HMCN1: variants seen among roughly 807,000 people sequenced by gnomAD.
HMCN1 encodes hemicentin-1.
HMCN1 carries 321 observed loss-of-function variants against 625.9 expected under a neutral mutation model. The ratio of observed to expected loss-of-function variants is 0.51; its 90% CI spans 0.47 to 0.56. The LOEUF (loss-of-function observed/expected upper bound fraction) is 0.56, where lower values mean the gene tolerates loss of function less well. HMCN1 is among the 20% of genes least tolerant of loss of function. HMCN1 has a pLI of 0.00. For missense variants in HMCN1, 6,588 were observed against 6,887.3 expected (o/e 0.96, Z 1.54); for synonymous variants, 2,425 against 2,417.6 (o/e 1.00, Z -0.09).
At chr1:186,030,116 C>T (rs2102193512) in intron 36 of HMCN1, among the ~76,000 whole-genome samples, 1 of 152,146 alleles carries the variant, frequency 6.6e-6, no homozygotes, top group African/African-American at 2.4e-5. Context: ...CAAGAGTTGT[C>T]TTATAGTCTT....
chr1:186,024,895 G>A (rs150461218), intron 36 of HMCN1, among the ~76,000 whole-genome samples: 1 of 152,228 alleles, frequency 6.6e-6, no homozygotes, highest in Non-Finnish European at 1.5e-5. Flanking sequence ...CACAGACTAG[G>A]GAGAGGGATG....
intron 20 of HMCN1, 78 bp from the exon 21 acceptor site, chr1:185,989,410 C>A: frequency 6.5e-7 from 1 of 1,527,742 alleles, no homozygotes; most frequent in Admixed American, 1.7e-5. Context: ...TATTCCTCTT[C>A]CAGACATTGT....
chr1:185,921,353 CCTT>C lies in HMCN1; in HGVS notation c.901-1020_901-1018del, dbSNP rs758066214. Among the ~76,000 whole-genome samples the C allele has an allele frequency of 3.9e-5, 6 of 152,124 alleles. No individual in the cohort carries two copies. The East Asian group carries it at 5.8e-4, about 15-fold the overall frequency. On this transcript the variant is annotated intron_variant, in intron 6 of 106. Transcript: ENST00000271588. ...TAGCAACAGGGACAGATCTTCTCTT[CCTT>C]CTTCTCCACATTGCTAAATAACAAG...
chr1:185,842,630 C>T (rs556642241), intron 1 of HMCN1, among the ~76,000 whole-genome samples: 12 of 149,996 alleles, frequency 8.0e-5, no homozygotes, highest in East Asian at 3.9e-4. Flanking sequence ...CTTGGGAGGC[C>T]GAGGCAGGAG....
At chr1:185,938,846 C>T (rs1199161120) in intron 11 of HMCN1, among the ~76,000 whole-genome samples, 4 of 152,036 alleles carry the variant, frequency 2.6e-5, no homozygotes, top group African/African-American at 9.7e-5. Context: ...CTTAAGTCAG[C>T]CAGCCTGGTT....
chr1:186,075,322 C>G (rs1404869019), intron 53 of HMCN1, among the ~76,000 whole-genome samples: 1 of 151,962 alleles, frequency 6.6e-6, no homozygotes, highest in Non-Finnish European at 1.5e-5. Flanking sequence ...CCAAAACATG[C>G]AATTTACTCA....
intron 4 of HMCN1, 90 bp from the exon 5 acceptor site, chr1:185,909,247 C>A: frequency 1.0e-6 from 1 of 963,860 alleles, no homozygotes; most frequent in Non-Finnish European, 1.7e-6. Flanking sequence ...GTGCCGGAGT[C>A]ATTTGATCAC....
Position 186,145,893 on chromosome 1 carries a change from G to A in HMCN1, c.14578G>A (p.Val4860Met), listed in dbSNP as rs181736492. ...TCCCTGTCCCGGAGACACTACTCAG[G>A]TGACCAGGTGCAATGTACAAGCATG... ...GRPCPGDTTQ[V>M]TRCNVQACPG... Residue 4860 changes from valine (V) to methionine (M), a missense_variant, in exon 93 of 107, where the codon GTG (valine) becomes ATG (methionine). By Grantham distance (21) the Val-to-Met change is conservative. Transcript: ENST00000271588. 7 of 1,614,036 alleles carry A rather than the reference G, an allele frequency of 4.3e-6. No homozygotes were observed. The highest frequency in any genetic ancestry group is 1.3e-5 in the African/African-American group (1 of 74,984).
At chr1:186,044,712 G>T (rs1656448109) in intron 40 of HMCN1, among the ~76,000 whole-genome samples, 2 of 152,052 alleles carry the variant, frequency 1.3e-5, no homozygotes, top group African/African-American at 4.8e-5. Context: ...GGGGTTTCAT[G>T]AAAAATGGCC....
In HMCN1 at chr1:186,156,957, C is replaced by T. The variant is rs115352339; in HGVS notation, c.15256+2970C>T. Among the ~76,000 whole-genome samples, 315 of 152,216 alleles carry T rather than the reference C, an allele frequency of 2.1e-3. 1 individual carries two copies. The highest frequency in any genetic ancestry group is 6.8e-3 in the Middle Eastern group (2 of 294). On this transcript the variant is annotated intron_variant, in intron 97 of 106. Coordinates refer to ENST00000271588, the MANE Select transcript of HMCN1 (RefSeq NM_031935.3). The stretch of plus-strand genomic sequence containing the variant: ...ACTGAAAAGTACTGTATGAGCCAAA[C>T]CTGGGTTGCACACCCGTGGGTGATT...
chr1:186,152,324 T>G (rs1238629980), intron 95 of HMCN1, among the ~76,000 whole-genome samples: 2 of 152,186 alleles, frequency 1.3e-5, no homozygotes, highest in African/African-American at 2.4e-5. Context: ...TTATCTTTAA[T>G]CAACATTTAA....
intron 8 of HMCN1, among the ~76,000 whole-genome samples, chr1:185,924,259 C>G (rs1183681875): frequency 2.0e-5 from 2 of 101,072 alleles, no homozygotes; most frequent in Non-Finnish European, 3.5e-5. Flanking sequence ...GAGACGGAGT[C>G]TCGCTCTGTT....
At chr1:185,951,512 G>A (rs1296114234) in intron 11 of HMCN1, among the ~76,000 whole-genome samples, 26 of 149,094 alleles carry the variant, frequency 1.7e-4, no homozygotes, top group East Asian at 5.8e-4. Flanking sequence ...GAAGCTCAGT[G>A]TCCATGATGG....
Position 186,054,041 on chromosome 1 carries a change from C to T in HMCN1, c.6862+55C>T. The T allele has an allele frequency of 5.3e-6, 8 of 1,522,044 alleles. No homozygotes were observed. The South Asian group carries it at 9.0e-5, about 17-fold the overall frequency. The allele number at this position is 1,522,044 out of a possible 1,614,324, so 94.3% of individuals were successfully genotyped here. A position where few individuals can be genotyped will look rare whatever the true frequency, so the allele number is the denominator to read the frequency against. On this transcript the variant is annotated intron_variant, in intron 44 of 106. Transcript: ENST00000271588. ...AAATGTTCTCTTAAATCTTTTCATCCTTCTCATTTACTTTTAAAAATATCT... is the reference window on the plus strand; with the variant it reads ...AAATGTTCTCTTAAATCTTTTCATCTTTCTCATTTACTTTTAAAAATATCT...
Position 186,037,931 on chromosome 1 carries a change from T to C in HMCN1, c.5750-3T>C, listed in dbSNP as rs2102224245. ...AATAATTATCTGTTTGGGCCTCTTG[T>C]AGAACCACCTAGTCTGGAAGATGCT... is the stretch of plus-strand genomic sequence containing the variant. On this transcript the variant is annotated splice_region_variant and splice_polypyrimidine_tract_variant and intron_variant, in intron 36 of 106. Transcript: ENST00000271588. The C allele has an allele frequency of 6.3e-7, 1 of 1,580,472 alleles. No individual in the cohort carries two copies. The highest frequency in any genetic ancestry group is 8.7e-7 in the Non-Finnish European group (1 of 1,149,430).
At position 186,062,502 on chromosome 1, in the gene HMCN1, G is replaced by A. The variant is rs1230270797; in HGVS notation, c.7427-12G>A. 6.5e-7 allele frequency: 1 copy of A among 1,540,494 alleles called. No homozygotes were observed. The highest frequency in any genetic ancestry group is 1.1e-5 in the South Asian group (1 of 89,622). On this transcript the variant is annotated splice_polypyrimidine_tract_variant and intron_variant, in intron 47 of 106. Coordinates refer to ENST00000271588, the MANE Select transcript of HMCN1 (RefSeq NM_031935.3). ...TAAGAGCTGTTATTTTGTTGTTGTT[G>A]TTGTTTTTTAGTACCACCTCATATT...
At chr1:186,073,810 A>G (rs1658620648) in intron 52 of HMCN1, among the ~76,000 whole-genome samples, 1 of 152,008 alleles carries the variant, frequency 6.6e-6, no homozygotes, top group African/African-American at 2.4e-5. Flanking sequence ...AAACTTAAAG[A>G]AAATTAGTAA....
chr1:186,120,073 G>C lies in HMCN1; in HGVS notation c.12157G>C (p.Ala4053Pro). The C allele has an allele frequency of 6.2e-7, 1 of 1,614,044 alleles. No individual in the cohort carries two copies. Among genetic ancestry groups the C allele is most frequent in the South Asian group, 1.1e-5 (1 of 91,084 alleles). Residue 4053 changes from alanine to proline, a missense_variant, in exon 80 of 107, where the codon GCT becomes CCT. By Grantham distance (27) the Ala-to-Pro change is conservative (BLOSUM62 -1). Transcript: ENST00000271588. ...LQISRAVRED[A>P]GTYMCVAQNP... Reference sequence around the variant, plus strand: ...GATCTCCAGAGCTGTCCGAGAGGATGCTGGCACTTACATGTGTGTGGCCCA... The same window carrying C: ...GATCTCCAGAGCTGTCCGAGAGGATCCTGGCACTTACATGTGTGTGGCCCA...
At chr1:185,932,273 G>T (rs906431194) in intron 10 of HMCN1, among the ~76,000 whole-genome samples, 1 of 152,086 alleles carries the variant, frequency 6.6e-6, no homozygotes, top group Non-Finnish European at 1.5e-5. Flanking sequence ...GGAAAACAAT[G>T]ATAAATATAA....
Sources: allele counts gnomAD v4.1 joint callset (sites outside exome capture counted in the v4.1 genomes callset), GRCh38; gene constraint gnomAD v4.1.1; transcripts MANE v1.5; gene names NCBI Gene and HGNC (gene_info 2026-07-23, HGNC 2026-07-21).